The following DTNA variants were observed in gnomAD, a reference collection of about 807,000 sequenced individuals.
DTNA encodes dystrophin-related protein 3.
In DTNA, 43 loss-of-function variants were observed where a neutral mutation model predicts 100.7. The observed-to-expected ratio is 0.43, with a 90% CI of 0.33 to 0.55. The LOEUF is 0.55. Ranked by LOEUF, DTNA falls within the 20% of genes least tolerant of loss-of-function variation. The probability of loss-of-function intolerance (pLI) is 0.04; values close to 1 mark genes in which losing one functional copy is unlikely to be tolerated. For synonymous variants in DTNA, 349 were observed against 347.9 expected, an observed-to-expected ratio of 1.00 and a Z score of -0.04; for missense variants, 798 against 953.9, an observed-to-expected ratio of 0.84 and a Z score of 2.15.
chr18:34,784,637 A>G (rs970021003), intron 3 of DTNA, among the ~76,000 whole-genome samples: 1 of 152,218 alleles, frequency 6.6e-6, no homozygotes, highest in Admixed American at 6.5e-5. Context: ...TTTGGATAAC[A>G]CAGTGTCTTG....
intron 1 of DTNA, among the ~76,000 whole-genome samples, chr18:34,616,484 G>A (rs376161287): frequency 4.6e-5 from 7 of 152,052 alleles, no homozygotes; most frequent in South Asian, 4.1e-4. Context: ...ACTATCCAGC[G>A]TCTACTATCC....
chr18:34,808,900 AC>A (rs2095425749), intron 5 of DTNA, among the ~76,000 whole-genome samples: 1 of 152,000 alleles, frequency 6.6e-6, no homozygotes, highest in Non-Finnish European at 1.5e-5. Context: ...AGATAGTGTG[AC>A]CCCGATAAAT....
chr18:34,597,737 T>C (rs1412508824), intron 1 of DTNA, among the ~76,000 whole-genome samples: 2 of 152,178 alleles, frequency 1.3e-5, no homozygotes, highest in African/African-American at 4.8e-5. Flanking sequence ...CGTATACTAT[T>C]TTAGCTCTGT....
intron 1 of DTNA, among the ~76,000 whole-genome samples, chr18:34,656,446 A>G (rs963486937): frequency 2.0e-5 from 3 of 152,142 alleles, no homozygotes; most frequent in African/African-American, 7.2e-5. Context: ...TCTCCTCTTT[A>G]GGGGAACAGG....
intron 1 of DTNA, among the ~76,000 whole-genome samples, chr18:34,620,324 T>A (rs1362009494): frequency 6.6e-6 from 1 of 152,212 alleles, no homozygotes; most frequent in Non-Finnish European, 1.5e-5. Flanking sequence ...ATGTCAATTT[T>A]AAATAAGTTT....
chr18:34,780,009 A>T (rs115727561), intron 3 of DTNA, among the ~76,000 whole-genome samples: 146 of 152,336 alleles, frequency 9.6e-4, no homozygotes, highest in African/African-American at 3.2e-3. Flanking sequence ...GCTTTGCTGC[A>T]TAAACTGATA....
intron 1 of DTNA, among the ~76,000 whole-genome samples, chr18:34,659,699 T>G (rs1393870248): frequency 6.6e-6 from 1 of 152,094 alleles, no homozygotes; most frequent in African/African-American, 2.4e-5. Context: ...CTGATCTTCT[T>G]CTAAATAAAC....
At chr18:34,782,220 T>C (rs189156602) in intron 3 of DTNA, among the ~76,000 whole-genome samples, 1 of 152,282 alleles carries the variant, frequency 6.6e-6, no homozygotes, top group Admixed American at 6.5e-5. Context: ...TTGAGAGGAA[T>C]GCAAAGATGA....
chr18:34,557,116 T>C (rs944942631), intron 1 of DTNA, among the ~76,000 whole-genome samples: 9 of 150,812 alleles, frequency 6.0e-5, no homozygotes, highest in Admixed American at 1.3e-4. Flanking sequence ...ATTTCATTCA[T>C]TTCATCTTCC....
rs2094870036 is a variant in DTNA at position 34,794,164 on chromosome 18, C to T, written c.276C>T (p.Leu92=). The T allele has an allele frequency of 1.2e-6, 2 of 1,614,042 alleles. No homozygotes were observed. The highest frequency in any genetic ancestry group is 2.7e-5 in the African/African-American group (2 of 74,914). ...TGCTCTCCACTATTTTTTACCAGCT[C>T]AACAAACGGATGCCAACCACTCACC... ...EAVLSTIFYQ[L]NKRMPTTHQI... The change falls in exon 4 of 23, where the codon CTC becomes CTT. Residue 92 remains leucine (L), a synonymous_variant. Transcript: ENST00000444659.
chr18:34,713,042 A>G (rs1453275223), intron 1 of DTNA, among the ~76,000 whole-genome samples: 1 of 152,160 alleles, frequency 6.6e-6, no homozygotes, highest in African/African-American at 2.4e-5. Flanking sequence ...GATTTTATTA[A>G]GGTGAATTTT....
chr18:34,799,186 A>G (rs1165451410), intron 4 of DTNA, among the ~76,000 whole-genome samples: 1 of 152,190 alleles, frequency 6.6e-6, no homozygotes, highest in African/African-American at 2.4e-5. Flanking sequence ...AGTCCATCAC[A>G]TAATAGTCTT....
At chr18:34,731,121 A>G (rs777874167) in intron 1 of DTNA, among the ~76,000 whole-genome samples, 7 of 152,230 alleles carry the variant, frequency 4.6e-5, no homozygotes, top group Non-Finnish European at 5.9e-5. Context: ...AAGCAAAGCT[A>G]TAAATAGAAA....
intron 1 of DTNA, among the ~76,000 whole-genome samples, chr18:34,629,901 G>A (rs544421388): frequency 2.0e-5 from 3 of 152,124 alleles, no homozygotes; most frequent in African/African-American, 7.2e-5. Flanking sequence ...TGCCTGCTGG[G>A]CCTCTGATTC....
At chr18:34,858,217 T>C in intron 15 of DTNA, 68 bp from the exon 16 acceptor site, 1 of 1,452,530 alleles carries the variant, frequency 6.9e-7, no homozygotes, top group Non-Finnish European at 9.6e-7. Context: ...GTGGCCTTGA[T>C]CTGCTCCGAT....
intron 1 of DTNA, among the ~76,000 whole-genome samples, chr18:34,703,653 C>G (rs1477309020): frequency 6.6e-6 from 1 of 152,184 alleles, no homozygotes; most frequent in Non-Finnish European, 1.5e-5. Flanking sequence ...ATGTACAGTC[C>G]TTGCTGGCAG....
chr18:34,652,660 G>A (rs1568126518), intron 1 of DTNA, among the ~76,000 whole-genome samples: 1 of 152,158 alleles, frequency 6.6e-6, no homozygotes, highest in Non-Finnish European at 1.5e-5. Flanking sequence ...CTTCTGTGAA[G>A]GTCCCCAGAT....
intron 17 of DTNA, among the ~76,000 whole-genome samples, chr18:34,865,463 G>A (rs2096687709): frequency 6.6e-6 from 1 of 151,622 alleles, no homozygotes; most frequent in Non-Finnish European, 1.5e-5. Context: ...CCCTCCATCA[G>A]TGTCCTCTTT....
intron 17 of DTNA, among the ~76,000 whole-genome samples, chr18:34,873,588 A>T (rs1236782185): frequency 6.6e-6 from 1 of 152,224 alleles, no homozygotes; most frequent in Non-Finnish European, 1.5e-5. Context: ...GTCTCCAGAT[A>T]AAGCAATTAT....
Sources: gnomAD v4.1 joint callset for allele counts (sites outside exome capture counted in the v4.1 genomes callset) on GRCh38, gnomAD v4.1.1 for gene constraint, MANE v1.5 for transcripts, NCBI Gene and HGNC (gene_info 2026-07-23, HGNC 2026-07-21) for gene names.